CA5A: variants seen among roughly 807,000 people sequenced by gnomAD.
CA5A encodes carbonic anhydrase 5A, mitochondrial.
A neutral mutation model predicts 37.1 loss-of-function variants in CA5A; 28 were observed. The ratio of observed to expected loss-of-function variants is 0.75; its 90% CI spans 0.56 to 1.03. The LOEUF is 1.03. Ranked by LOEUF, CA5A falls within the 50% of genes least tolerant of loss-of-function variation. CA5A has a pLI of 0.00. For missense variants in CA5A, 444 were observed against 399.9 expected (o/e 1.11, Z -0.94); for synonymous variants, 171 against 158.4 (o/e 1.08, Z -0.60).
intron 2 of CA5A, chr16:87,923,590 G>C: frequency 1.0e-6 from 1 of 985,448 alleles, no homozygotes; most frequent in Non-Finnish European, 1.2e-6. Flanking sequence ...TGAGGTCTTG[G>C]TGAGGACATT....
intron 2 of CA5A, 57 bp downstream of exon 2, chr16:87,926,691 C>G (rs1248750623): frequency 6.4e-6 from 9 of 1,403,508 alleles, no homozygotes; most frequent in Non-Finnish European, 9.0e-6. Context: ...AAGCTCTTGA[C>G]CCTGCTGCCA....
intron 5 of CA5A, among the ~76,000 whole-genome samples, chr16:87,897,189 T>G (rs1175359158): frequency 6.6e-6 from 1 of 152,222 alleles, no homozygotes; most frequent in African/African-American, 2.4e-5. Flanking sequence ...CTGGATCCCC[T>G]GGACCTGGTG....
chr16:87,906,861 T>A (rs1229500917), intron 2 of CA5A, among the ~76,000 whole-genome samples: 2 of 152,174 alleles, frequency 1.3e-5, no homozygotes, highest in African/African-American at 4.8e-5. Context: ...CATACACAGA[T>A]GAATTACATC....
At chr16:87,930,037 A>T (rs2056380631) in intron 1 of CA5A, among the ~76,000 whole-genome samples, 1 of 152,170 alleles carries the variant, frequency 6.6e-6, no homozygotes, top group Non-Finnish European at 1.5e-5. Flanking sequence ...AGGTGATGAT[A>T]GATAGTAGGA....
intron 2 of CA5A, among the ~76,000 whole-genome samples, chr16:87,909,629 C>T (rs1314137387): frequency 6.6e-6 from 1 of 152,158 alleles, no homozygotes; most frequent in Non-Finnish European, 1.5e-5. Flanking sequence ...GAAATGCCAG[C>T]GGGTGTGGAT....
At chr16:87,926,368 G>A (rs541803061) in intron 2 of CA5A, among the ~76,000 whole-genome samples, 1 of 152,280 alleles carries the variant, frequency 6.6e-6, no homozygotes, top group East Asian at 1.9e-4. Flanking sequence ...CAAGGCCAGC[G>A]TGGGCGTCCA....
At position 87,904,731 on chromosome 16, in the gene CA5A, G is replaced by C. The variant is rs551954945; in HGVS notation, c.459+55C>G. On this transcript the variant is annotated intron_variant, in intron 3 of 6. Transcript: ENST00000649794. ...CATGGCTTGTTCACCCCCCACCATA[G>C]AGCCGGAGACATGGAAAGTGTGCAG... The C allele has an allele frequency of 2.3e-4, 255 of 1,101,246 alleles. 3 individuals carry two copies. The African/African-American group carries it at 3.6e-3, about 16-fold the overall frequency. The allele number at this position is 1,101,246 out of a possible 1,614,324, so 68.2% of individuals were successfully genotyped here. A position where few individuals can be genotyped will look rare whatever the true frequency, so the allele number is the denominator to read the frequency against.
intron 5 of CA5A, chr16:87,893,882 C>A (rs1445405647): frequency 3.4e-5 from 8 of 238,214 alleles, no homozygotes; most frequent in Admixed American, 5.3e-5. Flanking sequence ...AAGCGATCCC[C>A]CCGCCTCAGT....
intron 2 of CA5A, among the ~76,000 whole-genome samples, chr16:87,921,286 G>T (rs2056226043): frequency 6.6e-6 from 1 of 152,216 alleles, no homozygotes. Flanking sequence ...AACTTAAACT[G>T]ATTTTAAAAA....
Position 87,888,302 on chromosome 16 carries a change from G to C in CA5A, c.775-30C>G, listed in dbSNP as rs747742687. ...AATAGAGGGCAGCCAGGGTGAGCTT[G>C]GTATGAGTGCAGGGTGAGCCAGCCT... On this transcript the variant is annotated intron_variant, in intron 6 of 6. Transcript: ENST00000649794. The C allele has an allele frequency of 5.6e-6, 9 of 1,599,140 alleles. 1 individual carries two copies. The South Asian group carries it at 1.0e-4, about 18-fold the overall frequency.
intron 1 of CA5A, among the ~76,000 whole-genome samples, chr16:87,928,577 A>AAT (rs1043724284): frequency 6.6e-6 from 1 of 152,070 alleles, no homozygotes; most frequent in Admixed American, 6.6e-5. Context: ...TTGTGAAAAA[A>AAT]ATATATATAT....
chr16:87,889,291 G>A (rs926546256), intron 6 of CA5A, among the ~76,000 whole-genome samples: 1 of 152,034 alleles, frequency 6.6e-6, no homozygotes, highest in African/African-American at 2.4e-5. Flanking sequence ...CTGACCTCAG[G>A]TGATCGACTT....
intron 6 of CA5A, among the ~76,000 whole-genome samples, chr16:87,890,554 G>A (rs560915545): frequency 6.6e-6 from 1 of 152,286 alleles, no homozygotes; most frequent in Admixed American, 6.5e-5. Context: ...GCCTTGGACA[G>A]ACAGAATTGC....
intron 5 of CA5A, among the ~76,000 whole-genome samples, chr16:87,900,156 C>A (rs1371899036): frequency 6.6e-6 from 1 of 152,110 alleles, no homozygotes; most frequent in Non-Finnish European, 1.5e-5. Context: ...GTAAAGGGTC[C>A]TTCACAATCA....
In CA5A at chr16:87,904,761, G is replaced by A. The variant is rs184604891; in HGVS notation, c.459+25C>T. ...GGAGACATGGAAAGTGTGCAGATAT[G>A]TGCTGTTAGGCCACGTCTACAAACC... is the stretch of plus-strand genomic sequence containing the variant. On this transcript the variant is annotated intron_variant, in intron 3 of 6. Coordinates refer to ENST00000649794, the MANE Select transcript of CA5A (RefSeq NM_001739.2). 751 of 1,360,096 alleles carry A rather than the reference G, an allele frequency of 5.5e-4. 3 individuals are homozygous for A. Among genetic ancestry groups the A allele is most frequent in the Non-Finnish European group, 1.6e-4 (154 of 947,972 alleles). The allele number at this position is 1,360,096 out of a possible 1,614,324, so 84.3% of individuals were successfully genotyped here.
At chr16:87,927,885 G>A (rs1339598339) in intron 1 of CA5A, among the ~76,000 whole-genome samples, 1 of 150,232 alleles carries the variant, frequency 6.7e-6, no homozygotes, top group Non-Finnish European at 1.5e-5. Flanking sequence ...ATGCAGAAAA[G>A]CTTATGAGTG....
intron 5 of CA5A, among the ~76,000 whole-genome samples, chr16:87,897,966 G>C (rs2055827564): frequency 2.0e-5 from 3 of 152,204 alleles, no homozygotes; most frequent in African/African-American, 7.2e-5. Context: ...TGGTAAACAG[G>C]ATGCCGCAGG....
At chr16:87,913,444 C>CAT (rs1444652033) in intron 2 of CA5A, among the ~76,000 whole-genome samples, 17 of 152,078 alleles carry the variant, frequency 1.1e-4, no homozygotes, top group Non-Finnish European at 1.9e-4. Context: ...CTGGGACCAC[C>CAT]ATGCCCGGCT....
At chr16:87,893,084 C>A in intron 5 of CA5A, 1 of 804,418 alleles carries the variant, frequency 1.2e-6, no homozygotes, top group South Asian at 1.9e-5. Context: ...CCCGAGGCTG[C>A]CTGAAGGAAC....
Sources: allele counts gnomAD v4.1 joint callset (sites outside exome capture counted in the v4.1 genomes callset), GRCh38; gene constraint gnomAD v4.1.1; transcripts MANE v1.5; gene names NCBI Gene and HGNC (gene_info 2026-07-23, HGNC 2026-07-21).